The following GPC6 variants were observed in gnomAD, a reference collection of about 807,000 sequenced individuals.
GPC6 encodes the protein glypican-6.
Under a neutral mutation model 55.2 loss-of-function variants are expected in GPC6, and 14 were observed. The ratio of observed to expected loss-of-function variants is 0.25; its 90% CI spans 0.17 to 0.40. The LOEUF (loss-of-function observed/expected upper bound fraction) is 0.40. GPC6 is among the 10% of genes least tolerant of loss of function. The pLI is 1.00. For missense variants in GPC6, 641 were observed against 708.5 expected, an observed-to-expected ratio of 0.90 and a Z score of 1.08; for synonymous variants, 278 against 259.6, an observed-to-expected ratio of 1.07 and a Z score of -0.68.
chr13:93,888,499 T>C (rs557038302), intron 3 of GPC6, among the ~76,000 whole-genome samples: 1 of 152,298 alleles, frequency 6.6e-6, no homozygotes, highest in South Asian at 2.1e-4. Flanking sequence ...CTACAATATG[T>C]AGAGGACAGG....
chr13:93,332,533 A>G (rs1403518114), intron 1 of GPC6, among the ~76,000 whole-genome samples: 1 of 151,858 alleles, frequency 6.6e-6, no homozygotes, highest in Non-Finnish European at 1.5e-5. Flanking sequence ...TGTTCTGATC[A>G]TTTGCCCATT....
intron 1 of GPC6, among the ~76,000 whole-genome samples, chr13:93,364,688 TATATATATACACACACAC>T (rs1380940737): frequency 6.4e-5 from 9 of 141,544 alleles, no homozygotes; most frequent in African/African-American, 2.3e-4. Flanking sequence ...TGTGTGTGTA[TATATATATACACACACAC>T]ATATATATAC....
rs147637185 is a variant in GPC6, at chr13:94,266,968, G to A, written c.878-19381G>A. Among the ~76,000 whole-genome samples the A allele has an allele frequency of 1.2e-4, 19 of 152,230 alleles. No individual in the cohort carries two copies. In the East Asian group the frequency reaches 2.7e-3, roughly 22 times the overall value. On this transcript the variant is annotated intron_variant, in intron 4 of 8. Transcript: ENST00000377047. ...GAAGGGTTAAGTGTCTGACCCATAC[G>A]TTTTTAGTCCCAAAGGTGCTATTAT...
intron 3 of GPC6, among the ~76,000 whole-genome samples, chr13:93,912,615 C>A (rs536625121): frequency 2.0e-5 from 3 of 152,052 alleles, no homozygotes; most frequent in East Asian, 1.9e-4. Context: ...TGGTGGCGGG[C>A]GCCTGTAGTC....
intron 2 of GPC6, among the ~76,000 whole-genome samples, chr13:93,651,271 C>G (rs1448894874): frequency 6.7e-6 from 1 of 149,216 alleles, no homozygotes; most frequent in South Asian, 2.1e-4. Context: ...TTTCATTTTT[C>G]ATTTCGTTAC....
chr13:93,961,193 A>G (rs545994194), intron 3 of GPC6, among the ~76,000 whole-genome samples: 18 of 152,352 alleles, frequency 1.2e-4, no homozygotes, highest in African/African-American at 4.3e-4. Context: ...CATTTAAAAC[A>G]GATTACTTAA....
Position 93,448,612 on chromosome 13 carries a change from A to G in GPC6, c.161-96651A>G, listed in dbSNP as rs555874038. Among the ~76,000 whole-genome samples the G allele has an allele frequency of 2.6e-5, 4 of 152,342 alleles. No homozygotes were observed. The East Asian group carries it at 5.8e-4, about 22-fold the overall frequency. The stretch of plus-strand genomic sequence containing the variant: ...AGATACTAATTAAATAAGAATATAA[A>G]TAGGAGACTTGCCTCTGTAAATATT... On this transcript the variant is annotated intron_variant, in intron 1 of 8. Coordinates refer to ENST00000377047, the MANE Select transcript of GPC6 (RefSeq NM_005708.5).
chr13:94,291,499 G>A (rs1482220085), intron 5 of GPC6, among the ~76,000 whole-genome samples: 5 of 152,176 alleles, frequency 3.3e-5, no homozygotes, highest in African/African-American at 1.2e-4. Context: ...AATTCCATGG[G>A]AAACACCAAC....
At chr13:94,002,717 A>C (rs1158420970) in intron 3 of GPC6, among the ~76,000 whole-genome samples, 1 of 152,176 alleles carries the variant, frequency 6.6e-6, no homozygotes, top group Non-Finnish European at 1.5e-5. Flanking sequence ...GTCTTGAAAT[A>C]TGTAAAATCT....
At position 93,886,627 on chromosome 13, in the gene GPC6, G is replaced by T. The variant is rs1309241166; in HGVS notation, c.711+56082G>T. On this transcript the variant is annotated intron_variant, in intron 3 of 8. Transcript: ENST00000377047. ...TACACTACCCATTCATATTGAAACT[G>T]ACCTGTCCTTCATTGCATAATGTCT... Among the ~76,000 whole-genome samples the T allele has an allele frequency of 3.3e-5, 5 of 152,004 alleles. No individual in the cohort carries two copies. In the East Asian group the frequency reaches 9.7e-4, roughly 29 times the overall value.
intron 4 of GPC6, among the ~76,000 whole-genome samples, chr13:94,128,253 G>A (rs1012054076): frequency 2.6e-5 from 4 of 152,126 alleles, no homozygotes; most frequent in South Asian, 2.1e-4. Context: ...ATGATGGTCT[G>A]TAAAGTAGGA....
intron 4 of GPC6, among the ~76,000 whole-genome samples, chr13:94,079,067 A>C (rs1885018336): frequency 6.6e-6 from 1 of 152,130 alleles, no homozygotes; most frequent in African/African-American, 2.4e-5. Context: ...CAAGAAAAAT[A>C]ATACAAATAA....
chr13:94,050,410 A>G (rs1883901365), intron 4 of GPC6, among the ~76,000 whole-genome samples: 1 of 152,162 alleles, frequency 6.6e-6, no homozygotes, highest in Non-Finnish European at 1.5e-5. Context: ...CGTGCTTCCC[A>G]TGATACTAAT....
intron 1 of GPC6, among the ~76,000 whole-genome samples, chr13:93,273,834 A>G (rs1482290213): frequency 6.6e-6 from 1 of 151,760 alleles, no homozygotes; most frequent in Non-Finnish European, 1.5e-5. Flanking sequence ...TTTGAGACAG[A>G]GTCTCACTCT....
intron 4 of GPC6, among the ~76,000 whole-genome samples, chr13:94,245,734 G>C (rs1410648111): frequency 1.3e-5 from 2 of 152,014 alleles, no homozygotes; most frequent in African/African-American, 4.8e-5. Flanking sequence ...GTGTGTGTGT[G>C]TGTCTGTGTG....
At chr13:93,547,071 C>T (rs1002992224) in intron 2 of GPC6, among the ~76,000 whole-genome samples, 10 of 151,848 alleles carry the variant, frequency 6.6e-5, no homozygotes, top group Non-Finnish European at 4.4e-5. Context: ...TGGCTCATGC[C>T]TGTAATCCCA....
At chr13:93,295,162 T>C (rs1594079057) in intron 1 of GPC6, among the ~76,000 whole-genome samples, 1 of 138,728 alleles carries the variant, frequency 7.2e-6, no homozygotes, top group Non-Finnish European at 1.5e-5. Context: ...ATTGTGGCGG[T>C]GTGCCTGTAG....
At chr13:93,825,073 C>T (rs1887184451) in intron 2 of GPC6, among the ~76,000 whole-genome samples, 1 of 152,088 alleles carries the variant, frequency 6.6e-6, no homozygotes, top group Non-Finnish European at 1.5e-5. Context: ...GGCGTTTTCT[C>T]TGAATATTTT....
chr13:93,631,580 A>G (rs1281448668), intron 2 of GPC6, among the ~76,000 whole-genome samples: 2 of 152,192 alleles, frequency 1.3e-5, no homozygotes, highest in African/African-American at 4.8e-5. Flanking sequence ...AATATTTTCT[A>G]AAAAGTTTTA....
Sources: gnomAD v4.1 joint callset for allele counts (sites outside exome capture counted in the v4.1 genomes callset) on GRCh38, gnomAD v4.1.1 for gene constraint, MANE v1.5 for transcripts, NCBI Gene and HGNC (gene_info 2026-07-23, HGNC 2026-07-21) for gene names.